Variants in LPP observed in about 807,000 individuals in gnomAD.
LPP encodes LIM domain containing preferred translocation partner in lipoma.
In LPP, 38 loss-of-function variants were observed where a neutral mutation model predicts 60.4. The observed-to-expected ratio is 0.63, with a 90% CI of 0.49 to 0.83. The LOEUF (loss-of-function observed/expected upper bound fraction) is 0.83. Ranked by LOEUF, LPP falls within the 40% of genes least tolerant of loss-of-function variation. The pLI is 0.00. For missense variants in LPP, 902 were observed against 783.6 expected, an observed-to-expected ratio of 1.15 and a Z score of -1.80; for synonymous variants, 328 against 290.8, an observed-to-expected ratio of 1.13 and a Z score of -1.30.
chr3:188,169,446 T>C (rs772461639), intron 1 of LPP, among the ~76,000 whole-genome samples: 13 of 152,222 alleles, frequency 8.5e-5, no homozygotes, highest in Non-Finnish European at 1.6e-4. Context: ...AGTTCAGCTG[T>C]AGGAACATGA....
chr3:188,517,233 C>A (rs1341927753), intron 5 of LPP, among the ~76,000 whole-genome samples: 1 of 152,102 alleles, frequency 6.6e-6, no homozygotes, highest in Non-Finnish European at 1.5e-5. Flanking sequence ...GGTATTACAG[C>A]CTGACTCCAA....
chr3:188,828,790 C>T (rs974714356), intron 9 of LPP, among the ~76,000 whole-genome samples: 4 of 151,900 alleles, frequency 2.6e-5, no homozygotes, highest in South Asian at 2.1e-4. Context: ...ACATGTAACA[C>T]AATCATTACC....
At chr3:188,857,044 G>T (rs1038781881) in intron 9 of LPP, among the ~76,000 whole-genome samples, 3 of 152,220 alleles carry the variant, frequency 2.0e-5, no homozygotes, top group Admixed American at 1.3e-4. Flanking sequence ...GGGACCTAGT[G>T]TGGGGTTGGG....
At chr3:188,692,727 GAA>G (rs745592470) in intron 7 of LPP, among the ~76,000 whole-genome samples, 10 of 152,210 alleles carry the variant, frequency 6.6e-5, no homozygotes, top group Admixed American at 1.3e-4. Flanking sequence ...AGTGCCCTTT[GAA>G]TAAATGTATT....
At chr3:188,565,048 G>A (rs1032331935) in intron 6 of LPP, among the ~76,000 whole-genome samples, 3 of 151,756 alleles carry the variant, frequency 2.0e-5, no homozygotes, top group Non-Finnish European at 4.4e-5. Context: ...TGAACCAACA[G>A]GACCATTATT....
intron 9 of LPP, among the ~76,000 whole-genome samples, chr3:188,836,586 A>G (rs1758512441): frequency 6.6e-6 from 1 of 152,214 alleles, no homozygotes. Flanking sequence ...GAATGAATGC[A>G]TGGATGAATT....
At chr3:188,191,405 T>G (rs1728141801) in intron 1 of LPP, among the ~76,000 whole-genome samples, 2 of 152,240 alleles carry the variant, frequency 1.3e-5, no homozygotes. Context: ...AATGAAGACC[T>G]CCTTTGCCAT....
At chr3:188,771,913 A>C (rs1736172412) in intron 9 of LPP, among the ~76,000 whole-genome samples, 1 of 152,184 alleles carries the variant, frequency 6.6e-6, no homozygotes, top group Non-Finnish European at 1.5e-5. Flanking sequence ...TTTTCTCAAA[A>C]TGTGTCAGCG....
In LPP at chr3:188,824,547, A is replaced by G. The variant is rs532399457; in HGVS notation, c.1411-41653A>G. On this transcript the variant is annotated intron_variant, in intron 9 of 11. Transcript: ENST00000617246. ...GACAGCTCCGTGTAGGGCACTGGGA[A>G]TTGCTGTTTGGGGATGGTATCACCT... Among the ~76,000 whole-genome samples, 9 of 151,964 alleles carry G rather than the reference A, an allele frequency of 5.9e-5. No homozygotes were observed. The East Asian group carries it at 1.8e-3, about 30-fold the overall frequency.
chr3:188,594,676 G>C (rs768664941), intron 6 of LPP, among the ~76,000 whole-genome samples: 2 of 152,108 alleles, frequency 1.3e-5, no homozygotes, highest in Non-Finnish European at 2.9e-5. Flanking sequence ...ATATTTCTTT[G>C]GTTTTGGGTG....
Position 188,395,220 on chromosome 3 carries a change from T to C in LPP, c.-9-10892T>C, listed in dbSNP as rs1330152970. On this transcript the variant is annotated intron_variant, in intron 3 of 11. Coordinates refer to ENST00000617246, the MANE Select transcript of LPP (RefSeq NM_001375462.1). ...TATTTTGCTTTAGAATAAAGTTGAT[T>C]TTTAAAAACTTATTTAGAGACAGGG... is the stretch of plus-strand genomic sequence containing the variant. 2.0e-5 allele frequency among the ~76,000 whole-genome samples: 3 copies of C among 152,232 alleles called. No individual in the cohort carries two copies. The East Asian group carries it at 5.8e-4, about 29-fold the overall frequency.
At chr3:188,279,549 T>G (rs950471276) in intron 2 of LPP, among the ~76,000 whole-genome samples, 18 of 152,208 alleles carry the variant, frequency 1.2e-4, no homozygotes, top group Non-Finnish European at 1.5e-5. Flanking sequence ...AGATTCATTT[T>G]AAGAAGCACA....
At position 188,444,720 on chromosome 3, in the gene LPP, T is replaced by C. The variant is rs573153008; in HGVS notation, c.193+38407T>C. Reference sequence around the variant, plus strand: ...GCAGCCTACAGAATGGGAGAAAATTTTTGCAATCTGTCCATCTGAGAAAGG... The same window carrying C: ...GCAGCCTACAGAATGGGAGAAAATTCTTGCAATCTGTCCATCTGAGAAAGG... On this transcript the variant is annotated intron_variant, in intron 4 of 11. Transcript: ENST00000617246. 2.0e-5 allele frequency among the ~76,000 whole-genome samples: 3 copies of C among 152,186 alleles called. No homozygotes were observed. In the South Asian group the frequency reaches 6.2e-4, roughly 32 times the overall value.
At chr3:188,730,458 T>A (rs1219551198) in intron 8 of LPP, among the ~76,000 whole-genome samples, 1 of 152,206 alleles carries the variant, frequency 6.6e-6, no homozygotes, top group African/African-American at 2.4e-5. Flanking sequence ...TATCCCAAGG[T>A]TGGAGATATC....
intron 7 of LPP, among the ~76,000 whole-genome samples, chr3:188,659,004 C>T (rs1477563038): frequency 6.6e-6 from 1 of 152,172 alleles, no homozygotes; most frequent in Non-Finnish European, 1.5e-5. Context: ...TTTCAGGAAA[C>T]ACAAGGTGCT....
At chr3:188,417,592 T>C (rs1230029877) in intron 4 of LPP, among the ~76,000 whole-genome samples, 2 of 152,154 alleles carry the variant, frequency 1.3e-5, no homozygotes, top group Non-Finnish European at 1.5e-5. Flanking sequence ...CTAAATGTTC[T>C]AGCGTGCTCT....
chr3:188,651,068 ACACT>A (rs1851979797), intron 7 of LPP, among the ~76,000 whole-genome samples: 1 of 152,226 alleles, frequency 6.6e-6, no homozygotes, highest in South Asian at 2.1e-4. Context: ...CAGTTTTGAA[ACACT>A]CAGTCAATGA....
At chr3:188,663,186 A>G (rs535371482) in intron 7 of LPP, among the ~76,000 whole-genome samples, 4 of 152,372 alleles carry the variant, frequency 2.6e-5, no homozygotes, top group East Asian at 1.9e-4. Flanking sequence ...GAGCCTGTGC[A>G]GTAACCTGCA....
At chr3:188,386,264 GCACACA>G (rs1277848531) in intron 3 of LPP, among the ~76,000 whole-genome samples, 20 of 99,344 alleles carry the variant, frequency 2.0e-4, no homozygotes, top group African/African-American at 7.5e-4. Context: ...TAGCATGCGC[GCACACA>G]CACACACACA....
Sources: gnomAD v4.1 joint callset for allele counts (sites outside exome capture counted in the v4.1 genomes callset) on GRCh38, gnomAD v4.1.1 for gene constraint, MANE v1.5 for transcripts, NCBI Gene and HGNC (gene_info 2026-07-23, HGNC 2026-07-21) for gene names.